PTPRK: variants seen among roughly 807,000 people sequenced by gnomAD.
PTPRK encodes the protein protein tyrosine phosphatase receptor type K, also known as receptor-type tyrosine-protein phosphatase kappa.
PTPRK carries 75 observed loss-of-function variants against 178.0 expected under a neutral mutation model. The observed-to-expected ratio is 0.42, with a 90% CI of 0.35 to 0.51. PTPRK has a LOEUF of 0.51. PTPRK is among the 20% of genes least tolerant of loss of function. PTPRK has a pLI of 0.02. For synonymous variants in PTPRK, 637 were observed against 620.6 expected (o/e 1.03, Z -0.39); for missense variants, 1,441 against 1,797.8 (o/e 0.80, Z 3.59).
intron 6 of PTPRK, among the ~76,000 whole-genome samples, chr6:128,217,039 T>G (rs922325707): frequency 6.6e-6 from 1 of 152,294 alleles, no homozygotes. Flanking sequence ...GAAGATCCAG[T>G]GAGCATGATA....
chr6:128,351,695 T>C (rs1418357309), intron 2 of PTPRK, among the ~76,000 whole-genome samples: 1 of 152,134 alleles, frequency 6.6e-6, no homozygotes, highest in East Asian at 1.9e-4. Flanking sequence ...AAAAATGAAA[T>C]CGTGCAATGA....
intron 7 of PTPRK, among the ~76,000 whole-genome samples, chr6:128,095,760 C>T (rs570022935): frequency 2.0e-5 from 3 of 152,252 alleles, no homozygotes; most frequent in African/African-American, 7.2e-5. Context: ...GAAGTAAAAT[C>T]CAGTGCTCTT....
intron 27 of PTPRK, among the ~76,000 whole-genome samples, chr6:127,975,080 G>A (rs922192173): frequency 6.6e-6 from 1 of 152,076 alleles, no homozygotes; most frequent in Non-Finnish European, 1.5e-5. Context: ...AATGATGAGA[G>A]TGAGAACAGA....
At chr6:128,187,500 C>T (rs1190938357) in intron 6 of PTPRK, among the ~76,000 whole-genome samples, 1 of 152,124 alleles carries the variant, frequency 6.6e-6, no homozygotes, top group Non-Finnish European at 1.5e-5. Context: ...TTTGAAGACT[C>T]AACTCCTACA....
chr6:128,262,708 T>C (rs1040291900), intron 3 of PTPRK, among the ~76,000 whole-genome samples: 3 of 152,124 alleles, frequency 2.0e-5, no homozygotes, highest in Non-Finnish European at 4.4e-5. Context: ...ACCTTTCTGT[T>C]TAATGTGATG....
At chr6:128,475,103 A>G (rs774507097) in intron 1 of PTPRK, among the ~76,000 whole-genome samples, 1 of 152,134 alleles carries the variant, frequency 6.6e-6, no homozygotes. Flanking sequence ...CACACAGGGC[A>G]TCTATCATCA....
intron 1 of PTPRK, among the ~76,000 whole-genome samples, chr6:128,493,281 G>T: frequency 6.6e-6 from 1 of 152,124 alleles, no homozygotes. Context: ...CCCGCTAACT[G>T]GCTGGGCGCG....
intron 2 of PTPRK, among the ~76,000 whole-genome samples, chr6:128,389,092 T>C (rs963817003): frequency 1.3e-5 from 2 of 152,138 alleles, no homozygotes; most frequent in Non-Finnish European, 2.9e-5. Context: ...CATGATGCTG[T>C]GAGCATTTCT....
chr6:128,173,047 C>T (rs1800534739), intron 7 of PTPRK, among the ~76,000 whole-genome samples: 1 of 151,854 alleles, frequency 6.6e-6, no homozygotes, highest in African/African-American at 2.4e-5. Context: ...GAAATATGCT[C>T]AACACACATT....
chr6:128,116,704 TG>T (rs1791582491), intron 7 of PTPRK, among the ~76,000 whole-genome samples: 1 of 152,212 alleles, frequency 6.6e-6, no homozygotes, highest in Admixed American at 6.5e-5. Context: ...AATAACCAGG[TG>T]AACATTGGCA....
chr6:128,446,210 C>T (rs1008056686), intron 1 of PTPRK, among the ~76,000 whole-genome samples: 1 of 152,200 alleles, frequency 6.6e-6, no homozygotes, highest in Admixed American at 6.5e-5. Flanking sequence ...CCTCAATTAG[C>T]AATCACCTTC....
chr6:128,453,954 G>A (rs1212119746), intron 1 of PTPRK, among the ~76,000 whole-genome samples: 1 of 152,144 alleles, frequency 6.6e-6, no homozygotes, highest in Non-Finnish European at 1.5e-5. Context: ...TTCTATAGAA[G>A]TTAATTCCAG....
chr6:128,510,909 CTAACCTATACAT>C (rs1451383076), intron 1 of PTPRK, among the ~76,000 whole-genome samples: 1 of 151,778 alleles, frequency 6.6e-6, no homozygotes, highest in Non-Finnish European at 1.5e-5. Flanking sequence ...AGTAAGAACA[CTAACCTATACAT>C]TAAAATCTTT....
At chr6:128,126,746 C>A (rs1793445498) in intron 7 of PTPRK, among the ~76,000 whole-genome samples, 1 of 152,168 alleles carries the variant, frequency 6.6e-6, no homozygotes, top group Non-Finnish European at 1.5e-5. Flanking sequence ...ATCTTGGCCT[C>A]CCAAAGTGCT....
chr6:128,126,528 C>CTAGGCTAGA (rs1271000366), intron 7 of PTPRK, among the ~76,000 whole-genome samples: 1 of 152,080 alleles, frequency 6.6e-6, no homozygotes, highest in East Asian at 1.9e-4. Flanking sequence ...CCTCTGTGGC[C>CTAGGCTAGA]TAGGCTAGAG....
chr6:128,172,845 C>T (rs188849778), intron 7 of PTPRK, among the ~76,000 whole-genome samples: 316 of 151,826 alleles, frequency 2.1e-3, no homozygotes, highest in Middle Eastern at 6.8e-3. Context: ...CTCACACACA[C>T]GAACTATAGG....
chr6:128,124,874 GC>G (rs1417489143), intron 7 of PTPRK, among the ~76,000 whole-genome samples: 1 of 152,030 alleles, frequency 6.6e-6, no homozygotes, highest in Non-Finnish European at 1.5e-5. Flanking sequence ...TGCAACACTG[GC>G]TCCTCCATGA....
chr6:128,443,133 G>A (rs890038005), intron 1 of PTPRK, among the ~76,000 whole-genome samples: 1 of 151,842 alleles, frequency 6.6e-6, no homozygotes, highest in Non-Finnish European at 1.5e-5. Context: ...AATGGTAGCA[G>A]ACAGGAACAC....
intron 18 of PTPRK, among the ~76,000 whole-genome samples, chr6:127,993,506 A>G (rs555945708): frequency 4.6e-5 from 7 of 151,670 alleles, no homozygotes; most frequent in African/African-American, 9.7e-5. Context: ...ATATTTACCA[A>G]TGAGCCTTAG....
Sources: gnomAD v4.1 joint callset for allele counts (sites outside exome capture counted in the v4.1 genomes callset) on GRCh38, gnomAD v4.1.1 for gene constraint, MANE v1.5 for transcripts, NCBI Gene and HGNC (gene_info 2026-07-23, HGNC 2026-07-21) for gene names.